CDH4: variants seen among roughly 807,000 people sequenced by gnomAD.
CDH4 encodes the protein cadherin 4.
In CDH4, 33 loss-of-function variants were observed where a neutral mutation model predicts 86.0. The observed-to-expected ratio is 0.38, with a 90% CI of 0.29 to 0.51. CDH4 has a LOEUF of 0.51. Ranked by LOEUF, CDH4 falls within the 20% of genes least tolerant of loss-of-function variation. The probability of loss-of-function intolerance (pLI) is 0.86; values close to 1 mark genes in which losing one functional copy is unlikely to be tolerated. For missense variants in CDH4, 1,114 were observed against 1,307.4 expected (o/e 0.85, Z 2.28); for synonymous variants, 555 against 549.4 (o/e 1.01, Z -0.14).
At chr20:61,817,676 T>C (rs552005981) in intron 4 of CDH4, among the ~76,000 whole-genome samples, 2 of 152,304 alleles carry the variant, frequency 1.3e-5, no homozygotes, top group East Asian at 3.9e-4. Flanking sequence ...CGTTCATCTC[T>C]GAATCCACGG....
chr20:61,889,066 C>T (rs889130261), intron 7 of CDH4, among the ~76,000 whole-genome samples: 3 of 152,204 alleles, frequency 2.0e-5, no homozygotes, highest in Non-Finnish European at 4.4e-5. Context: ...CTGCACCATG[C>T]ACCTCATACC....
chr20:61,926,948 C>T (rs928521735), intron 11 of CDH4, among the ~76,000 whole-genome samples: 4 of 151,854 alleles, frequency 2.6e-5, no homozygotes, highest in Admixed American at 1.3e-4. Context: ...ACGTGGCAGA[C>T]GCCGTGTGAG....
intron 2 of CDH4, among the ~76,000 whole-genome samples, chr20:61,326,294 C>A (rs1052808878): frequency 6.6e-6 from 1 of 152,118 alleles, no homozygotes; most frequent in South Asian, 2.1e-4. Flanking sequence ...GATTGAGTGA[C>A]CTGTTTGAAA....
At position 61,829,604 on chromosome 20, in the gene CDH4, G is replaced by A. The variant is rs573934175; in HGVS notation, c.577-15064G>A. Among the ~76,000 whole-genome samples the A allele has an allele frequency of 5.9e-5, 9 of 152,332 alleles. No homozygotes were observed. In the South Asian group the frequency reaches 1.7e-3, roughly 28 times the overall value. On this transcript the variant is annotated intron_variant, in intron 4 of 15. Transcript: ENST00000614565. The surrounding 1 kb of genome is among the most constrained non-coding windows in gnomAD (Gnocchi z 4.2). ...TCCACGGCGGCTCTGCGGGCCTCCT[G>A]TTGAGGAAGCCCTGGCGAGTGGGGG...
At chr20:61,481,171 C>A (rs185264560) in intron 2 of CDH4, among the ~76,000 whole-genome samples, 111 of 152,308 alleles carry the variant, frequency 7.3e-4, no homozygotes, top group African/African-American at 2.4e-3. Flanking sequence ...TTTCACCCCC[C>A]AGGGAACACG....
At chr20:61,464,183 A>G (rs1470870014) in intron 2 of CDH4, among the ~76,000 whole-genome samples, 2 of 152,186 alleles carry the variant, frequency 1.3e-5, no homozygotes, top group Non-Finnish European at 2.9e-5. Context: ...GGTGTTGAGA[A>G]GAAGGTGCTG....
intron 2 of CDH4, among the ~76,000 whole-genome samples, chr20:61,504,208 G>T (rs372311259): frequency 1.0e-3 from 154 of 152,338 alleles, no homozygotes; most frequent in African/African-American, 3.6e-3. Flanking sequence ...TGGCTCCGTG[G>T]CCGGCCACAC....
intron 2 of CDH4, among the ~76,000 whole-genome samples, chr20:61,563,024 C>A (rs758853192): frequency 1.3e-5 from 2 of 152,052 alleles, no homozygotes; most frequent in Non-Finnish European, 2.9e-5. Flanking sequence ...TCTTGTCCAG[C>A]GGCTCCCGGA....
rs1260041468 is a variant in CDH4, at chr20:61,417,396, A to G, written c.169+162459A>G. The stretch of plus-strand genomic sequence containing the variant: ...TGTTACCAGCAAACCTGCTGAGGTC[A>G]CCTATTCCACCTTGAGCCAGCTGTG... On this transcript the variant is annotated intron_variant, in intron 2 of 15. Transcript: ENST00000614565. The surrounding 1 kb of genome is among the most constrained non-coding windows in gnomAD (Gnocchi z 4.0). 6.6e-6 allele frequency among the ~76,000 whole-genome samples: 1 copy of G among 151,222 alleles called. No homozygotes were observed. The highest frequency in any genetic ancestry group is 1.5e-5 in the Non-Finnish European group (1 of 67,898).
chr20:61,461,198 A>C (rs1028906), intron 2 of CDH4, among the ~76,000 whole-genome samples: 2 of 148,906 alleles, frequency 1.3e-5, no homozygotes, highest in African/African-American at 5.0e-5. Context: ...ATTTTTTTTT[A>C]AAAAAAATGC....
intron 4 of CDH4, 113 bp downstream of exon 4, chr20:61,773,295 G>A (rs1418845734): frequency 2.3e-5 from 23 of 1,022,196 alleles, no homozygotes; most frequent in Non-Finnish European, 3.0e-5. Context: ...AGAAGGTCGC[G>A]ATTTCACCCT....
chr20:61,790,932 C>G (rs1979160363), intron 4 of CDH4, among the ~76,000 whole-genome samples: 2 of 152,008 alleles, frequency 1.3e-5, no homozygotes, highest in African/African-American at 4.8e-5. Context: ...TCGTTCATCT[C>G]TCCATTCATC....
intron 4 of CDH4, among the ~76,000 whole-genome samples, chr20:61,838,822 T>A (rs1472208664): frequency 3.4e-4 from 42 of 123,428 alleles, no homozygotes; most frequent in African/African-American, 8.1e-4. Context: ...AGACCCTGTC[T>A]AAAAAAAAAA....
At chr20:61,281,223 C>T (rs1159223063) in intron 2 of CDH4, among the ~76,000 whole-genome samples, 2 of 152,108 alleles carry the variant, frequency 1.3e-5, no homozygotes, top group East Asian at 3.9e-4. Flanking sequence ...TGGAGTTCTC[C>T]CCAGATTCCT....
chr20:61,709,356 C>T lies in CDH4; in HGVS notation c.170-34207C>T, dbSNP rs1035560359. On this transcript the variant is annotated intron_variant, in intron 2 of 15. Coordinates refer to ENST00000614565, the MANE Select transcript of CDH4 (RefSeq NM_001794.5). This position sits in a 1 kb window ranked among gnomAD's most constrained non-coding sequence, Gnocchi z 4.8. Reference sequence around the variant, plus strand: ...GTGGGGTGATCTTGGCTCACTGCAACCTCCGCCTCCTGGGTTCAAGCAATT... The same window carrying T: ...GTGGGGTGATCTTGGCTCACTGCAATCTCCGCCTCCTGGGTTCAAGCAATT... Among the ~76,000 whole-genome samples the T allele has an allele frequency of 2.6e-5, 4 of 152,194 alleles. No individual in the cohort carries two copies. Among genetic ancestry groups the T allele is most frequent in the Non-Finnish European group, 5.9e-5 (4 of 68,040 alleles).
Position 61,417,749 on chromosome 20 carries a change from G to C in CDH4, c.169+162812G>C, listed in dbSNP as rs1160237908. Among the ~76,000 whole-genome samples the C allele has an allele frequency of 1.3e-5, 2 of 152,170 alleles. No homozygotes were observed. Among genetic ancestry groups the C allele is most frequent in the Admixed American group, 6.5e-5 (1 of 15,280 alleles). ...TGCACATGGCGGGAAGTGGGCACAG[G>C]AGCCTTGACCTGACAAGGTCCTCGA... On this transcript the variant is annotated intron_variant, in intron 2 of 15. Coordinates refer to ENST00000614565, the MANE Select transcript of CDH4 (RefSeq NM_001794.5). The surrounding 1 kb of genome is among the most constrained non-coding windows in gnomAD (Gnocchi z 4.0).
At chr20:61,575,078 G>A (rs2086372693) in intron 2 of CDH4, among the ~76,000 whole-genome samples, 1 of 152,190 alleles carries the variant, frequency 6.6e-6, no homozygotes, top group Non-Finnish European at 1.5e-5. Flanking sequence ...TCTTTCATCT[G>A]CAGGTGACAA....
chr20:61,647,249 C>G (rs2087070766), intron 2 of CDH4, among the ~76,000 whole-genome samples: 1 of 152,130 alleles, frequency 6.6e-6, no homozygotes, highest in African/African-American at 2.4e-5. Context: ...GTGATTGGAT[C>G]CAGAGCCACC....
intron 13 of CDH4, among the ~76,000 whole-genome samples, chr20:61,931,505 G>A (rs1196357253): frequency 6.6e-6 from 1 of 152,236 alleles, no homozygotes; most frequent in African/African-American, 2.4e-5. Context: ...TCCTGACTGG[G>A]GGGTCGCCGC....
Sources: allele counts gnomAD v4.1 joint callset (sites outside exome capture counted in the v4.1 genomes callset), GRCh38; gene constraint gnomAD v4.1.1; non-coding constraint Gnocchi (gnomAD v3.1); transcripts MANE v1.5; gene names NCBI Gene and HGNC (gene_info 2026-07-23, HGNC 2026-07-21).